Variants in PHACTR1 observed in about 807,000 individuals in gnomAD.
PHACTR1 encodes RPEL repeat containing 1.
PHACTR1 carries 16 observed loss-of-function variants against 69.2 expected under a neutral mutation model. That is an observed-to-expected ratio of 0.23 (90% CI 0.16 to 0.35). The LOEUF is 0.35. Among genes scored for constraint, PHACTR1 ranks in the 10% least tolerant of loss-of-function variants. The pLI, the probability that PHACTR1 is intolerant of heterozygous loss-of-function variation, is 1.00. For synonymous variants in PHACTR1, 312 were observed against 284.5 expected (o/e 1.10, Z -0.97); for missense variants, 510 against 734.7 (o/e 0.69, Z 3.54).
intron 4 of PHACTR1, among the ~76,000 whole-genome samples, chr6:12,830,256 C>T (rs889952470): frequency 6.6e-6 from 1 of 151,512 alleles, no homozygotes; most frequent in Non-Finnish European, 1.5e-5. Flanking sequence ...AAGTTTGATA[C>T]GCAGTGGACC....
At chr6:12,779,005 C>T (rs1473846844) in intron 4 of PHACTR1, among the ~76,000 whole-genome samples, 1 of 152,158 alleles carries the variant, frequency 6.6e-6, no homozygotes, top group African/African-American at 2.4e-5. Flanking sequence ...ATATGACATC[C>T]TGCATAACTG....
intron 8 of PHACTR1, among the ~76,000 whole-genome samples, chr6:13,226,958 G>A (rs1002534174): frequency 1.1e-4 from 16 of 151,994 alleles, no homozygotes; most frequent in Admixed American, 1.3e-4. Context: ...GGATGGTCTC[G>A]ATCTCTTGAC....
At chr6:12,843,160 A>G (rs1451582996) in intron 4 of PHACTR1, among the ~76,000 whole-genome samples, 1 of 152,210 alleles carries the variant, frequency 6.6e-6, no homozygotes, top group Non-Finnish European at 1.5e-5. Flanking sequence ...GAACTTTTCT[A>G]TTATTACTTA....
At chr6:12,931,423 G>A (rs909647412) in intron 4 of PHACTR1, among the ~76,000 whole-genome samples, 1 of 152,084 alleles carries the variant, frequency 6.6e-6, no homozygotes, top group South Asian at 2.1e-4. Flanking sequence ...CTAAATTCAG[G>A]GGGCTCTGTT....
intron 8 of PHACTR1, among the ~76,000 whole-genome samples, chr6:13,227,094 G>A (rs190618023): frequency 1.8e-4 from 27 of 152,310 alleles, no homozygotes; most frequent in African/African-American, 6.3e-4. Context: ...TTAAGAGGTA[G>A]AACCAAAAAC....
At position 13,077,889 on chromosome 6, in the gene PHACTR1, G is replaced by A. The variant is rs114090556; in HGVS notation, c.415+24360G>A. Among the ~76,000 whole-genome samples, 395 of 152,250 alleles carry A rather than the reference G, an allele frequency of 2.6e-3. 2 individuals are homozygous for A. The highest frequency in any genetic ancestry group is 4.1e-3 in the Non-Finnish European group (280 of 67,998). On this transcript the variant is annotated intron_variant, in intron 5 of 14. Coordinates refer to ENST00000332995, the MANE Select transcript of PHACTR1 (RefSeq NM_030948.6). ...GGGTGAGGGAGAAGGAGAAATCAAA[G>A]ATAGCCTAGAGGTTCTGACCCTGGG...
At chr6:12,754,077 C>A (rs984129233) in intron 4 of PHACTR1, among the ~76,000 whole-genome samples, 7 of 150,098 alleles carry the variant, frequency 4.7e-5, no homozygotes, top group Non-Finnish European at 7.4e-5. Context: ...ATTCTCCTGC[C>A]TCAGCCTCCC....
In PHACTR1 at chr6:13,205,695, G is replaced by T. The variant is rs1242645674; in HGVS notation, c.665-120G>T. On this transcript the variant is annotated intron_variant, in intron 7 of 14. Transcript: ENST00000332995. The stretch of plus-strand genomic sequence containing the variant: ...CATCACGCTGGTGCCTCCAACTGAC[G>T]CATTTTACCTAAGAGGCTCAACTCA... The T allele has an allele frequency of 5.4e-6, 5 of 925,784 alleles. No individual in the cohort carries two copies. In the East Asian group the frequency reaches 1.0e-4, roughly 19 times the overall value. The allele number at this position is 925,784 out of a possible 1,614,324, so 57.3% of individuals were successfully genotyped here.
intron 3 of PHACTR1, among the ~76,000 whole-genome samples, chr6:12,748,039 T>C (rs1000595382): frequency 6.6e-6 from 1 of 152,184 alleles, no homozygotes; most frequent in Non-Finnish European, 1.5e-5. Flanking sequence ...TAGTTTTGAC[T>C]ATTAGAAGGA....
intron 4 of PHACTR1, among the ~76,000 whole-genome samples, chr6:12,887,701 A>G (rs12526354): frequency 0.029 from 4,357 of 152,198 alleles, 84 homozygotes; most frequent in Non-Finnish European, 0.047. Context: ...GTACAACACT[A>G]TCTCTAATCT....
At chr6:13,247,968 C>T (rs1024187482) in intron 10 of PHACTR1, among the ~76,000 whole-genome samples, 2 of 152,198 alleles carry the variant, frequency 1.3e-5, no homozygotes, top group African/African-American at 4.8e-5. Flanking sequence ...CCCAAAGAAG[C>T]CTGGTTAATG....
rs564475114 is a variant in PHACTR1 at position 13,110,344 on chromosome 6, G to A, written c.416-49860G>A. ...ATGTAAGGTAGCTTTTCCTCTATGCGTAGTTTAACCCTTCTATTAAGGCAT... is the reference window on the plus strand; with the variant it reads ...ATGTAAGGTAGCTTTTCCTCTATGCATAGTTTAACCCTTCTATTAAGGCAT... On this transcript the variant is annotated intron_variant, in intron 5 of 14. Coordinates refer to ENST00000332995, the MANE Select transcript of PHACTR1 (RefSeq NM_030948.6). Among the ~76,000 whole-genome samples the A allele has an allele frequency of 5.3e-4, 81 of 152,256 alleles. 1 individual carries two copies. In the South Asian group the frequency reaches 7.2e-3, roughly 14 times the overall value.
chr6:13,077,356 C>T (rs996608490), intron 5 of PHACTR1, among the ~76,000 whole-genome samples: 1 of 152,120 alleles, frequency 6.6e-6, no homozygotes, highest in African/African-American at 2.4e-5. Context: ...TGATCTGGTT[C>T]ATTGTACTCC....
At chr6:13,206,467 A>G (rs1233706857) in intron 8 of PHACTR1, among the ~76,000 whole-genome samples, 1 of 151,548 alleles carries the variant, frequency 6.6e-6, no homozygotes, top group Non-Finnish European at 1.5e-5. Context: ...TAACAAAACC[A>G]ACTTAACCAT....
rs1780758723 is a variant in PHACTR1 at position 13,283,454 on chromosome 6, GGAAA to G, written c.1549_1552del (p.Lys517SerfsTer53). 1 of 1,613,818 alleles carries G rather than the reference GGAAA, an allele frequency of 6.2e-7. No homozygotes were observed. The highest frequency in any genetic ancestry group is 8.5e-7 in the Non-Finnish European group (1 of 1,179,822). On this transcript the variant is annotated frameshift_variant, in exon 13 of 15. Coordinates refer to ENST00000332995, the MANE Select transcript of PHACTR1 (RefSeq NM_030948.6). LOFTEE classifies it high-confidence loss of function. This position sits in a 1 kb window ranked among gnomAD's most constrained non-coding sequence, Gnocchi z 4.7. ...AAAGGCCCACGGTGGAAGAGCTTCGGGAAAGAAAGATCCTCATCCGCTTCAGTGA... is the reference window on the plus strand; with the variant it reads ...AAAGGCCCACGGTGGAAGAGCTTCGGGAAAGATCCTCATCCGCTTCAGTGA...
chr6:13,177,657 G>T (rs1053636587), intron 6 of PHACTR1, among the ~76,000 whole-genome samples: 2 of 152,144 alleles, frequency 1.3e-5, no homozygotes, highest in African/African-American at 2.4e-5. Flanking sequence ...AAAACCAGGG[G>T]GTGTCCCTAA....
intron 4 of PHACTR1, among the ~76,000 whole-genome samples, chr6:12,872,068 T>G (rs901688473): frequency 6.6e-6 from 1 of 152,138 alleles, no homozygotes; most frequent in African/African-American, 2.4e-5. Context: ...TGAGACAGAA[T>G]CTCACTCTGT....
At chr6:12,898,945 T>G (rs562713344) in intron 4 of PHACTR1, among the ~76,000 whole-genome samples, 1 of 152,348 alleles carries the variant, frequency 6.6e-6, no homozygotes, top group East Asian at 1.9e-4. Context: ...TTGCACATGC[T>G]GTTCCCCTGG....
intron 5 of PHACTR1, among the ~76,000 whole-genome samples, chr6:13,137,799 T>C (rs899786794): frequency 1.3e-5 from 2 of 152,236 alleles, no homozygotes; most frequent in Non-Finnish European, 1.5e-5. Flanking sequence ...AATATGTCTG[T>C]TGGGCTCACC....
Sources: allele counts gnomAD v4.1 joint callset (sites outside exome capture counted in the v4.1 genomes callset), GRCh38; gene constraint gnomAD v4.1.1; non-coding constraint Gnocchi (gnomAD v3.1); transcripts MANE v1.5; gene names NCBI Gene and HGNC (gene_info 2026-07-23, HGNC 2026-07-21).